Variants in PRUNE1 observed in about 807,000 individuals in gnomAD.
The protein encoded by PRUNE1 is exopolyphosphatase PRUNE1.
A neutral mutation model predicts 42.5 loss-of-function variants in PRUNE1; 25 were observed. The observed-to-expected ratio is 0.59, with a 90% CI of 0.43 to 0.82. The LOEUF (loss-of-function observed/expected upper bound fraction) is 0.82. Among genes scored for constraint, PRUNE1 ranks in the 40% least tolerant of loss-of-function variants. The pLI, the probability that PRUNE1 is intolerant of heterozygous loss-of-function variation, is 0.00. For missense variants in PRUNE1, 443 were observed against 539.3 expected (o/e 0.82, Z 1.77); for synonymous variants, 203 against 217.1 (o/e 0.93, Z 0.57).
Position 151,034,561 on chromosome 1 carries a change from C to G in PRUNE1, c.*327C>G, listed in dbSNP as rs372697937. The G allele has an allele frequency of 3.5e-6, 1 of 288,492 alleles. No individual in the cohort carries two copies. Among genetic ancestry groups the G allele is most frequent in the East Asian group, 7.1e-5 (1 of 14,114 alleles). 17.9% of individuals were successfully genotyped at this position (288,492 alleles called of 1,614,324 possible). On this transcript the variant is annotated 3_prime_UTR_variant, in exon 8 of 8. Coordinates refer to ENST00000271620, the MANE Select transcript of PRUNE1 (RefSeq NM_021222.3). ...AGAATTTAGACCCCAAAAGTGTCCT[C>G]GGCATGGATCTTGAACAGAACCAGT...
At chr1:151,017,949 G>A (rs1007887381) in intron 2 of PRUNE1, 45 bp downstream of exon 2, 45 of 1,346,710 alleles carry the variant, frequency 3.3e-5, no homozygotes, top group Middle Eastern at 3.6e-4. Context: ...CCCTCAGAAC[G>A]AAAAGATCTG....
Position 151,018,585 on chromosome 1 carries a change from T to C in PRUNE1, c.251T>C (p.Ile84Thr). Residue 84 changes from isoleucine to threonine, a missense_variant, in exon 3 of 8, where the codon ATT becomes ACT. Ile to Thr is a moderately conservative substitution (Grantham distance 89). Transcript: ENST00000271620. Reference sequence around the variant, plus strand: ...GTTCATATTCCAGAGAGTATCTTGATTTTTCGGGATGAGATTGACCTCCAT... The same window carrying C: ...GTTCATATTCCAGAGAGTATCTTGACTTTTCGGGATGAGATTGACCTCCAT... ...QKVHIPESIL[I>T]FRDEIDLHAL... 6.2e-7 allele frequency: 1 copy of C among 1,614,176 alleles called. No homozygotes were observed. Among genetic ancestry groups the C allele is most frequent in the Non-Finnish European group, 8.5e-7 (1 of 1,180,010 alleles).
chr1:151,015,099 G>T (rs1011102871), intron 1 of PRUNE1, among the ~76,000 whole-genome samples: 1 of 152,100 alleles, frequency 6.6e-6, no homozygotes, highest in African/African-American at 2.4e-5. Context: ...AAGCTGAGGC[G>T]GGCGGATCAC....
In PRUNE1 at chr1:151,028,821, C is replaced by G; in HGVS notation, c.810C>G (p.Leu270=). Residue 270 remains leucine (L), a synonymous_variant, in exon 7 of 8, where the codon CTC becomes CTG. Coordinates refer to ENST00000271620, the MANE Select transcript of PRUNE1 (RefSeq NM_021222.3). ...FLQRSNLLAD[L]HAFCQAHSYD... ...AGAGGTCTAACCTCCTTGCAGATCTCCATGCTTTCTGCCAGGCTCACAGCT... is the reference window on the plus strand; with the variant it reads ...AGAGGTCTAACCTCCTTGCAGATCTGCATGCTTTCTGCCAGGCTCACAGCT... 6.2e-7 allele frequency: 1 copy of G among 1,614,138 alleles called. No individual in the cohort carries two copies. The highest frequency in any genetic ancestry group is 8.5e-7 in the Non-Finnish European group (1 of 1,180,012).
Position 151,028,759 on chromosome 1 carries a change from C to T in PRUNE1, c.775-27C>T. ...TATTGATGATGATGAGAAAGTCCTT[C>T]ATCCCTCTCCGTTTCTTCCCTTTCA... is the stretch of plus-strand genomic sequence containing the variant. On this transcript the variant is annotated intron_variant, in intron 6 of 7. Coordinates refer to ENST00000271620, the MANE Select transcript of PRUNE1 (RefSeq NM_021222.3). The T allele has an allele frequency of 2.5e-6, 4 of 1,607,300 alleles. No homozygotes were observed. The South Asian group carries it at 3.3e-5, about 13-fold the overall frequency.
chr1:151,015,216 A>C (rs1381111468), intron 1 of PRUNE1, among the ~76,000 whole-genome samples: 1 of 151,446 alleles, frequency 6.6e-6, no homozygotes, highest in Non-Finnish European at 1.5e-5. Flanking sequence ...GTAGTCTACT[A>C]CAGCTACTCG....
chr1:151,029,139 CTTT>C (rs111677543), intron 7 of PRUNE1, among the ~76,000 whole-genome samples, 195 bp downstream of exon 7: 1 of 143,742 alleles, frequency 7.0e-6, no homozygotes. Context: ...TATGAATATC[CTTT>C]TTTTTTTTTT....
chr1:151,022,622 T>G (rs1415147901), intron 3 of PRUNE1: 1 of 150,132 alleles, frequency 6.7e-6, no homozygotes, highest in Admixed American at 6.7e-5. Context: ...GGTTTCACCG[T>G]GTTAGCCAGG....
rs1169877869 is a variant in PRUNE1, at chr1:151,008,530, C to G, written c.-103C>G. ...GAGTCCCGCCTCCTGACTCTGGCCT[C>G]TAGTCCCTGAGTCCCGGGCGGGCTG... On this transcript the variant is annotated 5_prime_UTR_variant, in exon 1 of 8. Coordinates refer to ENST00000271620, the MANE Select transcript of PRUNE1 (RefSeq NM_021222.3). The G allele has an allele frequency of 8.3e-6, 12 of 1,448,712 alleles. No homozygotes were observed. In the South Asian group the frequency reaches 1.0e-4, roughly 12 times the overall value. The allele number at this position is 1,448,712 out of a possible 1,614,324, so 89.7% of individuals were successfully genotyped here.
In PRUNE1 at chr1:151,033,985, A is replaced by G. The variant is rs1558092777; in HGVS notation, c.1113A>G (p.Gly371=). The G allele has an allele frequency of 6.2e-7, 1 of 1,614,112 alleles. No homozygotes were observed. Among genetic ancestry groups the G allele is most frequent in the Middle Eastern group, 1.6e-4 (1 of 6,062 alleles). Residue 371 remains glycine, a synonymous_variant, in exon 8 of 8, where the codon GGA becomes GGG. Coordinates refer to ENST00000271620, the MANE Select transcript of PRUNE1 (RefSeq NM_021222.3). ...TTGACTCCATGAAGATCCCTTCAGG[A>G]CAGCCTGAGACAGCAGATGTGTCCA... ...AYFDSMKIPS[G]QPETADVSRE... is the part of the protein sequence containing the mutation.
At chr1:151,027,118 T>C in intron 5 of PRUNE1, 115 bp from the exon 6 acceptor site, 1 of 633,624 alleles carries the variant, frequency 1.6e-6, no homozygotes, top group Non-Finnish European at 2.8e-6. Context: ...CCCCCATTCA[T>C]TGCCCCAAAG....
intron 2 of PRUNE1, 88 bp downstream of exon 2, chr1:151,017,992 T>C (rs1017883513): frequency 4.2e-5 from 37 of 874,260 alleles, no homozygotes; most frequent in Non-Finnish European, 6.0e-5. Context: ...CTTACCAGCA[T>C]TTAGCATTGG....
chr1:151,027,472 G>C (rs1035806542), intron 6 of PRUNE1, 145 bp downstream of exon 6: 7 of 620,474 alleles, frequency 1.1e-5, no homozygotes, highest in Admixed American at 4.8e-5. Flanking sequence ...GACCACCAGA[G>C]TCCAGCATCT....
At chr1:151,027,414 C>G in intron 6 of PRUNE1, 87 bp downstream of exon 6, 1 of 917,654 alleles carries the variant, frequency 1.1e-6, no homozygotes. Context: ...ATTCCTGGCT[C>G]ACCTCCAAAA....
intron 7 of PRUNE1, among the ~76,000 whole-genome samples, chr1:151,029,656 C>A (rs765501260): frequency 6.6e-6 from 1 of 151,480 alleles, no homozygotes; most frequent in Non-Finnish European, 1.5e-5. Flanking sequence ...CGTGAGCCAC[C>A]GCGCCCAGCC....
At chr1:151,010,227 G>C (rs1032597509) in intron 1 of PRUNE1, among the ~76,000 whole-genome samples, 1 of 152,042 alleles carries the variant, frequency 6.6e-6, no homozygotes, top group African/African-American at 2.4e-5. Flanking sequence ...TGCGACTATA[G>C]GCAGTGCCAC....
Position 151,034,338 on chromosome 1 carries a change from A to G in PRUNE1, c.*104A>G, listed in dbSNP as rs983533584. On this transcript the variant is annotated 3_prime_UTR_variant, in exon 8 of 8. Coordinates refer to ENST00000271620, the MANE Select transcript of PRUNE1 (RefSeq NM_021222.3). ...GCAATTCTGTCTTCATTGCTCCAGG[A>G]TCTGGTATACTGTTCTCATAAAACT... is the stretch of plus-strand genomic sequence containing the variant. 16 of 1,228,120 alleles carry G rather than the reference A, an allele frequency of 1.3e-5. No homozygotes were observed. Among genetic ancestry groups the G allele is most frequent in the Non-Finnish European group, 1.8e-5 (16 of 874,744 alleles). 76.1% of individuals were successfully genotyped at this position (1,228,120 alleles called of 1,614,324 possible).
chr1:151,027,781 T>TGCGC lies in PRUNE1; in HGVS notation c.774+460_774+463dup, dbSNP rs1553254126. 2.9e-3 allele frequency among the ~76,000 whole-genome samples: 415 copies of TGCGC among 142,592 alleles called. 4 individuals are homozygous for TGCGC. Among genetic ancestry groups the TGCGC allele is most frequent in the African/African-American group, 9.7e-3 (368 of 37,790 alleles). The allele number at this position is 142,592 out of a possible 152,430, so 93.5% of individuals were successfully genotyped here. ...GTGTGTGTGTGTGTGTGTGTGTGTG[T>TGCGC]GCGCGCGCGTGTATGTATGTGTCGA... On this transcript the variant is annotated intron_variant, in intron 6 of 7. Coordinates refer to ENST00000271620, the MANE Select transcript of PRUNE1 (RefSeq NM_021222.3).
intron 7 of PRUNE1, among the ~76,000 whole-genome samples, 195 bp downstream of exon 7, chr1:151,029,139 CTT>C (rs111677543): frequency 0.02 from 2,865 of 143,672 alleles, 69 homozygotes; most frequent in African/African-American, 0.069. Context: ...TATGAATATC[CTT>C]TTTTTTTTTT....
Sources: gnomAD v4.1 joint callset for allele counts (sites outside exome capture counted in the v4.1 genomes callset) on GRCh38, gnomAD v4.1.1 for gene constraint, MANE v1.5 for transcripts, NCBI Gene and HGNC (gene_info 2026-07-23, HGNC 2026-07-21) for gene names.